Variants in PTPRG observed in about 807,000 individuals in gnomAD.
PTPRG encodes protein tyrosine phosphatase receptor type G, also known as receptor-type tyrosine-protein phosphatase gamma.
A neutral mutation model predicts 165.3 loss-of-function variants in PTPRG; 102 were observed. That is an observed-to-expected ratio of 0.62 (90% confidence interval 0.53 to 0.73). PTPRG has a LOEUF of 0.73. Ranked by LOEUF, PTPRG falls within the 30% of genes least tolerant of loss-of-function variation. The probability of loss-of-function intolerance (pLI) is 0.00; values close to 1 mark genes in which losing one functional copy is unlikely to be tolerated. For missense variants in PTPRG, 1,866 were observed against 1,861.4 expected, an observed-to-expected ratio of 1.00 and a Z score of -0.05; for synonymous variants, 675 against 669.5, an observed-to-expected ratio of 1.01 and a Z score of -0.13.
intron 12 of PTPRG, among the ~76,000 whole-genome samples, chr3:62,215,272 A>T (rs569319022): frequency 6.6e-6 from 1 of 152,320 alleles, no homozygotes; most frequent in African/African-American, 2.4e-5. Context: ...CAGGAAGACA[A>T]AGCAGTATTG....
chr3:61,698,137 T>C (rs1279132827), intron 1 of PTPRG, among the ~76,000 whole-genome samples: 2 of 152,176 alleles, frequency 1.3e-5, no homozygotes, highest in Non-Finnish European at 2.9e-5. Context: ...ATTAAATAAA[T>C]ATCTATGCTT....
intron 2 of PTPRG, among the ~76,000 whole-genome samples, chr3:61,880,129 C>A (rs2037844158): frequency 6.6e-6 from 1 of 152,166 alleles, no homozygotes; most frequent in Admixed American, 6.5e-5. Context: ...TTAAATTCAT[C>A]TGTTTATCAC....
At chr3:61,592,671 G>A (rs528853689) in intron 1 of PTPRG, among the ~76,000 whole-genome samples, 627 of 137,450 alleles carry the variant, frequency 4.6e-3, no homozygotes, top group Non-Finnish European at 7.6e-3. Flanking sequence ...TTTTAAGAAA[G>A]GGGGTGATCT....
chr3:62,243,565 C>A (rs369041467), intron 14 of PTPRG: 2 of 355,036 alleles, frequency 5.6e-6, no homozygotes, highest in Non-Finnish European at 1.0e-5. Flanking sequence ...AAATACTAAG[C>A]CTTTCCCTTT....
At chr3:62,133,739 C>T (rs1703602666) in intron 6 of PTPRG, among the ~76,000 whole-genome samples, 1 of 152,146 alleles carries the variant, frequency 6.6e-6, no homozygotes, top group African/African-American at 2.4e-5. Flanking sequence ...AATCCCAGCA[C>T]TTTGGGAGGC....
chr3:61,570,835 G>A (rs917338844), intron 1 of PTPRG, among the ~76,000 whole-genome samples: 1 of 152,200 alleles, frequency 6.6e-6, no homozygotes, highest in Admixed American at 6.5e-5. Context: ...TTTTTAAAAT[G>A]ACACTTTTCC....
intron 5 of PTPRG, among the ~76,000 whole-genome samples, chr3:62,083,803 C>A (rs576370169): frequency 3.9e-4 from 59 of 152,298 alleles, no homozygotes; most frequent in African/African-American, 1.4e-3. Flanking sequence ...TCTACTTTCT[C>A]ACTAGGACCA....
chr3:62,038,477 C>A (rs1038516679), intron 4 of PTPRG, among the ~76,000 whole-genome samples: 3 of 152,016 alleles, frequency 2.0e-5, no homozygotes, highest in African/African-American at 7.3e-5. Flanking sequence ...GGCTCACTGC[C>A]GCCTCAACCT....
Position 62,100,096 on chromosome 3 carries a change from G to C in PTPRG, c.615+21838G>C, listed in dbSNP as rs543529476. Among the ~76,000 whole-genome samples, 4 of 152,156 alleles carry C rather than the reference G, an allele frequency of 2.6e-5. No individual in the cohort carries two copies. In the South Asian group the frequency reaches 8.3e-4, roughly 32 times the overall value. ...TTTTAATAATGTAATTTTTAGATGA[G>C]GAAACTGGAATCTAGCTAGTAGGTC... On this transcript the variant is annotated intron_variant, in intron 5 of 29. Transcript: ENST00000474889.
At position 62,293,905 on chromosome 3, in the gene PTPRG, G is replaced by C. The variant is rs1246088800; in HGVS notation, c.*598G>C. The C allele has an allele frequency of 6.6e-6, 1 of 152,520 alleles. No homozygotes were observed. Among genetic ancestry groups the C allele is most frequent in the Non-Finnish European group, 1.5e-5 (1 of 67,998 alleles). 9.4% of individuals were successfully genotyped at this position (152,520 alleles called of 1,614,324 possible). A position where few individuals can be genotyped will look rare whatever the true frequency, so the allele number is the denominator to read the frequency against. Reference sequence around the variant, plus strand: ...TGCTGGTTAAGAGATCCCTTAAGAAGTTAGAAGGCTTAAGAACTGCTTCAT... The same window carrying C: ...TGCTGGTTAAGAGATCCCTTAAGAACTTAGAAGGCTTAAGAACTGCTTCAT... On this transcript the variant is annotated 3_prime_UTR_variant, in exon 30 of 30. Coordinates refer to ENST00000474889, the MANE Select transcript of PTPRG (RefSeq NM_002841.4).
intron 2 of PTPRG, among the ~76,000 whole-genome samples, chr3:61,779,055 T>TAC (rs915485662): frequency 1.3e-5 from 2 of 152,086 alleles, no homozygotes; most frequent in Admixed American, 6.5e-5. Flanking sequence ...CAGGAGGATT[T>TAC]ACACACACAC....
intron 1 of PTPRG, among the ~76,000 whole-genome samples, chr3:61,627,585 G>T (rs1241833032): frequency 6.6e-6 from 1 of 152,060 alleles, no homozygotes; most frequent in Non-Finnish European, 1.5e-5. Context: ...GCACAACCAG[G>T]TCTCACAGAA....
intron 1 of PTPRG, among the ~76,000 whole-genome samples, chr3:61,593,400 GAAA>G (rs4019828): frequency 6.6e-4 from 92 of 139,154 alleles, no homozygotes; most frequent in South Asian, 1.9e-3. Context: ...TAATGAATTG[GAAA>G]AAAAAAAAAA....
intron 2 of PTPRG, among the ~76,000 whole-genome samples, chr3:61,870,495 TTTTTTTTG>T (rs2037537242): frequency 3.2e-5 from 4 of 125,686 alleles, no homozygotes; most frequent in African/African-American, 3.2e-5. Context: ...TTTTTTTTTT[TTTTTTTTG>T]TATTTTTAGT....
At chr3:61,703,021 C>G (rs370680677) in intron 1 of PTPRG, among the ~76,000 whole-genome samples, 1 of 152,146 alleles carries the variant, frequency 6.6e-6, no homozygotes, top group East Asian at 1.9e-4. Context: ...GTAATTCATA[C>G]GGTGGGTGCA....
chr3:61,812,874 C>T (rs548810723), intron 2 of PTPRG, among the ~76,000 whole-genome samples: 69 of 152,364 alleles, frequency 4.5e-4, no homozygotes, highest in Middle Eastern at 3.4e-3. Flanking sequence ...ATTTAATGTG[C>T]TCCTACTGGT....
At chr3:62,012,480 T>C (rs1021927372) in intron 4 of PTPRG, among the ~76,000 whole-genome samples, 1 of 152,220 alleles carries the variant, frequency 6.6e-6, no homozygotes, top group Non-Finnish European at 1.5e-5. Context: ...AAATTTTTTT[T>C]ATTTGGGAAC....
intron 2 of PTPRG, chr3:61,769,955 A>T (rs2034157712): frequency 1.3e-5 from 2 of 152,196 alleles, no homozygotes; most frequent in African/African-American, 4.8e-5. Flanking sequence ...CGTGCAAGAA[A>T]TAATAATAAA....
At chr3:61,810,680 G>T (rs2035547731) in intron 2 of PTPRG, among the ~76,000 whole-genome samples, 1 of 152,168 alleles carries the variant, frequency 6.6e-6, no homozygotes, top group Non-Finnish European at 1.5e-5. Context: ...TCTCTTCTCA[G>T]CTCTGTCTGT....
Sources: allele counts gnomAD v4.1 joint callset (sites outside exome capture counted in the v4.1 genomes callset), GRCh38; gene constraint gnomAD v4.1.1; transcripts MANE v1.5; gene names NCBI Gene and HGNC (gene_info 2026-07-23, HGNC 2026-07-21).